The following GHR variants were observed in gnomAD, a reference collection of about 807,000 sequenced individuals.
GHR encodes growth hormone receptor.
GHR carries 35 observed loss-of-function variants against 67.1 expected under a neutral mutation model. That is an observed-to-expected ratio of 0.52 (90% CI 0.40 to 0.69). The LOEUF (loss-of-function observed/expected upper bound fraction) is 0.69. Among genes scored for constraint, GHR ranks in the 30% least tolerant of loss-of-function variants. The probability of loss-of-function intolerance (pLI) is 0.00; values close to 1 mark genes in which losing one functional copy is unlikely to be tolerated. For missense variants in GHR, 792 were observed against 764.6 expected (o/e 1.04, Z -0.42); for synonymous variants, 272 against 269.1 (o/e 1.01, Z -0.10).
chr5:42,475,880 A>C (rs1400809316), intron 1 of GHR, among the ~76,000 whole-genome samples: 1 of 152,128 alleles, frequency 6.6e-6, no homozygotes, highest in Non-Finnish European at 1.5e-5. Flanking sequence ...GAATTGAGAA[A>C]TATACATCAG....
chr5:42,600,103 G>C (rs529632784), intron 2 of GHR, among the ~76,000 whole-genome samples: 1 of 152,340 alleles, frequency 6.6e-6, no homozygotes, highest in Non-Finnish European at 1.5e-5. Flanking sequence ...AAGTTCCAGG[G>C]AAGGGGTCGG....
At chr5:42,568,640 C>T (rs969418393) in intron 2 of GHR, among the ~76,000 whole-genome samples, 1 of 152,064 alleles carries the variant, frequency 6.6e-6, no homozygotes, top group African/African-American at 2.4e-5. Flanking sequence ...TTGAATATAC[C>T]CTTTGACCTC....
chr5:42,432,972 A>C (rs1743159671), intron 1 of GHR, among the ~76,000 whole-genome samples: 1 of 152,200 alleles, frequency 6.6e-6, no homozygotes, highest in Non-Finnish European at 1.5e-5. Flanking sequence ...ATTTGAGGGC[A>C]AAAGGATGTA....
At chr5:42,717,968 C>A in intron 8 of GHR, 84 bp from the exon 9 acceptor site, 2 of 751,142 alleles carry the variant, frequency 2.7e-6, no homozygotes, top group South Asian at 1.4e-5. Flanking sequence ...AATAGTATTG[C>A]CAATATTTTA....
intron 2 of GHR, among the ~76,000 whole-genome samples, chr5:42,611,297 A>G (rs1440948665): frequency 5.9e-5 from 9 of 151,994 alleles, no homozygotes; most frequent in African/African-American, 1.9e-4. Flanking sequence ...TTAAGTCCAA[A>G]TTTCCTTAGC....
intron 3 of GHR, among the ~76,000 whole-genome samples, chr5:42,656,232 G>A (rs185378896): frequency 1.3e-5 from 2 of 152,134 alleles, no homozygotes; most frequent in African/African-American, 4.8e-5. Context: ...CTGACTGAAG[G>A]CTTTATGCAA....
chr5:42,623,714 T>C (rs759200139), intron 2 of GHR, among the ~76,000 whole-genome samples: 48 of 152,210 alleles, frequency 3.2e-4, no homozygotes, highest in Non-Finnish European at 5.9e-4. Flanking sequence ...TAGAAAAATG[T>C]GGGCTCACTG....
intron 6 of GHR, among the ~76,000 whole-genome samples, chr5:42,708,200 C>A (rs1758275034): frequency 6.6e-6 from 1 of 152,072 alleles, no homozygotes; most frequent in Admixed American, 6.6e-5. Context: ...TATTGTTAAA[C>A]AGAAATGTTC....
intron 2 of GHR, among the ~76,000 whole-genome samples, chr5:42,578,622 T>C (rs1750898654): frequency 6.6e-6 from 1 of 152,194 alleles, no homozygotes; most frequent in Non-Finnish European, 1.5e-5. Flanking sequence ...CAGTTGAAGC[T>C]CTATAACAGG....
chr5:42,673,454 C>A (rs1323261961), intron 3 of GHR, among the ~76,000 whole-genome samples: 1 of 151,954 alleles, frequency 6.6e-6, no homozygotes, highest in African/African-American at 2.4e-5. Context: ...ATTGTTCTAC[C>A]CAAAAGACAC....
intron 2 of GHR, among the ~76,000 whole-genome samples, chr5:42,617,129 G>C (rs548143601): frequency 4.5e-4 from 68 of 151,636 alleles, no homozygotes; most frequent in Non-Finnish European, 4.9e-4. Flanking sequence ...TTCTTTTTTG[G>C]TGGTGTTCTT....
intron 1 of GHR, among the ~76,000 whole-genome samples, chr5:42,457,059 C>T (rs1053209115): frequency 3.9e-5 from 6 of 152,218 alleles, no homozygotes; most frequent in South Asian, 2.1e-4. Flanking sequence ...AGGAGATTAA[C>T]AGAGGTTTTG....
intron 1 of GHR, chr5:42,565,651 C>T (rs1749881850): frequency 1.0e-6 from 1 of 984,958 alleles, no homozygotes; most frequent in African/African-American, 1.7e-5. Context: ...CTGAGACTAG[C>T]ACTCACGGGA....
At chr5:42,518,926 T>C (rs150941752) in intron 1 of GHR, among the ~76,000 whole-genome samples, 1 of 152,302 alleles carries the variant, frequency 6.6e-6, no homozygotes, top group East Asian at 1.9e-4. Flanking sequence ...GACTTTTTCT[T>C]GGTATTCGAG....
intron 2 of GHR, among the ~76,000 whole-genome samples, chr5:42,577,573 A>ATTT (rs1750823074): frequency 6.6e-6 from 1 of 152,240 alleles, no homozygotes; most frequent in African/African-American, 2.4e-5. Flanking sequence ...AAATTATTGA[A>ATTT]TGAACTTGCT....
chr5:42,591,129 A>G (rs1192815338), intron 2 of GHR, among the ~76,000 whole-genome samples: 1 of 152,254 alleles, frequency 6.6e-6, no homozygotes, highest in Non-Finnish European at 1.5e-5. Context: ...GATTAAAAAG[A>G]ACACAGGGAA....
At chr5:42,491,847 G>A (rs1027711466) in intron 1 of GHR, among the ~76,000 whole-genome samples, 8 of 152,172 alleles carry the variant, frequency 5.3e-5, no homozygotes, top group African/African-American at 1.9e-4. Context: ...GGCATTCCAG[G>A]AGCAGATGTA....
chr5:42,547,532 C>T lies in GHR; in HGVS notation c.-11-18332C>T, dbSNP rs571295456. ...TCACTAAATGTTTAGTATTTTATACCTTTTAGTTGACTTGTGAGCCCTTTC... is the reference window on the plus strand; with the variant it reads ...TCACTAAATGTTTAGTATTTTATACTTTTTAGTTGACTTGTGAGCCCTTTC... On this transcript the variant is annotated intron_variant, in intron 1 of 9. Transcript: ENST00000230882. Among the ~76,000 whole-genome samples the T allele has an allele frequency of 2.6e-5, 4 of 152,074 alleles. No homozygotes were observed. The South Asian group carries it at 6.2e-4, about 24-fold the overall frequency.
intron 2 of GHR, among the ~76,000 whole-genome samples, chr5:42,623,044 C>T (rs1309121525): frequency 1.3e-5 from 2 of 152,072 alleles, no homozygotes. Flanking sequence ...AAAGACATGT[C>T]CCTGCTGTCA....
Sources: gnomAD v4.1 joint callset for allele counts (sites outside exome capture counted in the v4.1 genomes callset) on GRCh38, gnomAD v4.1.1 for gene constraint, MANE v1.5 for transcripts, NCBI Gene and HGNC (gene_info 2026-07-23, HGNC 2026-07-21) for gene names.